The following ATP8B4 variants were observed in gnomAD, a reference collection of about 807,000 sequenced individuals.
The protein encoded by ATP8B4 is probable phospholipid-transporting ATPase IM.
ATP8B4 carries 133 observed loss-of-function variants against 145.6 expected under a neutral mutation model. The ratio of observed to expected loss-of-function variants is 0.91; its 90% CI spans 0.79 to 1.05. The LOEUF (loss-of-function observed/expected upper bound fraction) is 1.05, where lower values mean the gene tolerates loss of function less well. Among genes scored for constraint, ATP8B4 ranks in the 50% least tolerant of loss-of-function variants. The pLI is 0.00. For missense variants in ATP8B4, 1,458 were observed against 1,425.2 expected (o/e 1.02, Z -0.37); for synonymous variants, 507 against 492.9 (o/e 1.03, Z -0.38).
rs114162548 is a variant in ATP8B4 at position 49,913,837 on chromosome 15, A to G, written c.2141+3097T>C. 2.8e-3 allele frequency among the ~76,000 whole-genome samples: 434 copies of G among 152,336 alleles called. 2 individuals carry two copies. Among genetic ancestry groups the G allele is most frequent in the African/African-American group, 0.01 (420 of 41,584 alleles). On this transcript the variant is annotated intron_variant, in intron 20 of 27. Coordinates refer to ENST00000284509, the MANE Select transcript of ATP8B4 (RefSeq NM_024837.4). The stretch of plus-strand genomic sequence containing the variant: ...ACCAAGGAGGTGAAAAACCTCCACA[A>G]GGAAAACTACAAAACACCAGTGAAA...
chr15:49,890,068 A>C (rs2036625691), intron 23 of ATP8B4, among the ~76,000 whole-genome samples: 1 of 152,236 alleles, frequency 6.6e-6, no homozygotes, highest in South Asian at 2.1e-4. Flanking sequence ...TTATGCATTT[A>C]TGAAAATAAA....
intron 2 of ATP8B4, among the ~76,000 whole-genome samples, chr15:50,087,628 T>C (rs529993529): frequency 6.6e-6 from 1 of 152,000 alleles, no homozygotes. Context: ...ATAAACCTAC[T>C]TATAGCAGCA....
intron 2 of ATP8B4, among the ~76,000 whole-genome samples, chr15:50,085,943 ATG>A (rs2054942666): frequency 1.0e-5 from 1 of 97,464 alleles, no homozygotes; most frequent in East Asian, 2.5e-4. Flanking sequence ...ATATTTATAT[ATG>A]ATATATATCA....
intron 6 of ATP8B4, 54 bp downstream of exon 6, chr15:50,038,714 G>A (rs2051028216): frequency 1.5e-6 from 2 of 1,346,202 alleles, no homozygotes; most frequent in African/African-American, 2.9e-5. Flanking sequence ...ATCGTCAAGA[G>A]CTGTTTCAGG....
intron 1 of ATP8B4, among the ~76,000 whole-genome samples, chr15:50,118,395 C>A (rs1247191683): frequency 1.1e-4 from 16 of 152,126 alleles, no homozygotes; most frequent in Admixed American, 9.8e-4. Context: ...TCTGAGTTTA[C>A]ATTTTGTAGT....
At chr15:50,171,305 C>T (rs1238576296) in intron 1 of ATP8B4, among the ~76,000 whole-genome samples, 1 of 152,084 alleles carries the variant, frequency 6.6e-6, no homozygotes, top group Non-Finnish European at 1.5e-5. Flanking sequence ...ATGTGATATG[C>T]CATAAAACAA....
At chr15:49,901,286 A>G (rs768066715) in intron 20 of ATP8B4, 47 bp from the exon 21 acceptor site, 6 of 1,563,262 alleles carry the variant, frequency 3.8e-6, no homozygotes, top group Non-Finnish European at 5.2e-6. Flanking sequence ...CATACAGAGC[A>G]TGCCTACTAA....
At chr15:50,099,312 G>A (rs182827198) in intron 2 of ATP8B4, among the ~76,000 whole-genome samples, 1 of 152,146 alleles carries the variant, frequency 6.6e-6, no homozygotes, top group African/African-American at 2.4e-5. Flanking sequence ...CTAGGTCCCA[G>A]TCTGTCACTC....
chr15:49,879,878 T>C (rs1453651011), intron 23 of ATP8B4: 1 of 154,094 alleles, frequency 6.5e-6, no homozygotes, highest in Admixed American at 6.5e-5. Context: ...GAGATAAATA[T>C]AGTAATAAGC....
chr15:50,172,395 C>T (rs891596917), intron 1 of ATP8B4, among the ~76,000 whole-genome samples: 2 of 152,254 alleles, frequency 1.3e-5, no homozygotes, highest in African/African-American at 2.4e-5. Context: ...CTGCCAGCCT[C>T]GGCCTCCGGA....
At chr15:49,897,568 T>C (rs543451517) in intron 22 of ATP8B4, 53 bp from the exon 23 acceptor site, 26 of 1,381,536 alleles carry the variant, frequency 1.9e-5, no homozygotes, top group African/African-American at 8.7e-5. Context: ...ACGATCTCTT[T>C]TGGAAACTTG....
intron 3 of ATP8B4, among the ~76,000 whole-genome samples, chr15:50,048,887 G>A (rs2051945988): frequency 6.6e-6 from 1 of 152,132 alleles, no homozygotes; most frequent in Non-Finnish European, 1.5e-5. Context: ...CATCAGACAG[G>A]ATTTGTACTG....
intron 2 of ATP8B4, among the ~76,000 whole-genome samples, chr15:50,094,535 T>C (rs1361216169): frequency 1.3e-5 from 2 of 150,118 alleles, no homozygotes; most frequent in African/African-American, 4.9e-5. Flanking sequence ...TTTGGACACA[T>C]ACATACATGT....
At chr15:49,939,213 C>T (rs1267195717) in intron 14 of ATP8B4, among the ~76,000 whole-genome samples, 1 of 151,788 alleles carries the variant, frequency 6.6e-6, no homozygotes, top group Admixed American at 6.6e-5. Flanking sequence ...AAAATTAACC[C>T]CAAAGCTAGC....
chr15:50,086,724 AAT>A lies in ATP8B4; in HGVS notation c.29-12541_29-12540del, dbSNP rs1192508930. On this transcript the variant is annotated intron_variant, in intron 2 of 27. Transcript: ENST00000284509. ...TCTATATTATTATATATAATAAAAT[AAT>A]ATAGAGATCTATATTTATTATATAT... 3.2e-4 allele frequency among the ~76,000 whole-genome samples: 25 copies of A among 77,360 alleles called. 1 individual carries two copies. The highest frequency in any genetic ancestry group is 0.014 in the Middle Eastern group (1 of 70). The allele number at this position is 77,360 out of a possible 152,430, so 50.8% of individuals were successfully genotyped here.
chr15:50,145,153 T>C (rs1487882151), intron 1 of ATP8B4, among the ~76,000 whole-genome samples: 7 of 152,354 alleles, frequency 4.6e-5, no homozygotes, highest in Non-Finnish European at 7.4e-5. Flanking sequence ...TTGACTACTT[T>C]TTACTTGTTT....
intron 9 of ATP8B4, among the ~76,000 whole-genome samples, chr15:49,995,069 C>T (rs1396960570): frequency 1.3e-5 from 2 of 152,076 alleles, no homozygotes; most frequent in Admixed American, 6.6e-5. Context: ...TGTGTTTATG[C>T]CACTAAGATT....
chr15:50,047,831 T>C (rs2051840630), intron 3 of ATP8B4, among the ~76,000 whole-genome samples: 3 of 152,088 alleles, frequency 2.0e-5, no homozygotes, highest in Admixed American at 2.0e-4. Context: ...AATCATCTGG[T>C]CCACCTTCCC....
At position 49,990,310 on chromosome 15, in the gene ATP8B4, G is replaced by A. The variant is rs79597225; in HGVS notation, c.590-2761C>T. ...GCAGTAAATGATCAGTTTGACAATC[G>A]ATGAGGAAACAGTTAAGGAAAAAAT... is the stretch of plus-strand genomic sequence containing the variant. On this transcript the variant is annotated intron_variant, in intron 9 of 27. Coordinates refer to ENST00000284509, the MANE Select transcript of ATP8B4 (RefSeq NM_024837.4). Among the ~76,000 whole-genome samples the A allele has an allele frequency of 9.2e-3, 1,400 of 152,226 alleles. 26 individuals are homozygous for A. Among genetic ancestry groups the A allele is most frequent in the African/African-American group, 0.032 (1,343 of 41,532 alleles).
Sources: allele counts gnomAD v4.1 joint callset (sites outside exome capture counted in the v4.1 genomes callset), GRCh38; gene constraint gnomAD v4.1.1; transcripts MANE v1.5; gene names NCBI Gene and HGNC (gene_info 2026-07-23, HGNC 2026-07-21).